Variants in RBM28 observed in about 807,000 individuals in gnomAD.
The protein encoded by RBM28 is RNA binding motif protein 28.
In RBM28, 78 loss-of-function variants were observed where a neutral mutation model predicts 98.3. The observed-to-expected ratio is 0.79, with a 90% confidence interval of 0.66 to 0.96. RBM28 has a LOEUF of 0.96. RBM28 is among the 40% of genes least tolerant of loss of function. The pLI is 0.00. For missense variants in RBM28, 838 were observed against 913.0 expected, an observed-to-expected ratio of 0.92 and a Z score of 1.06; for synonymous variants, 306 against 330.9, an observed-to-expected ratio of 0.92 and a Z score of 0.82.
chr7:128,339,347 A>C lies in RBM28; in HGVS notation c.278-26T>G, dbSNP rs1477329994. On this transcript the variant is annotated intron_variant, in intron 2 of 18. Transcript: ENST00000223073. ...CTAAAAAATAAGAGGTAATGGAATA[A>C]GTACTCGAAAATCACCCACTTCTAC... The C allele has an allele frequency of 2.6e-6, 4 of 1,550,806 alleles. No individual in the cohort carries two copies. The African/African-American group carries it at 4.1e-5, about 16-fold the overall frequency.
intron 2 of RBM28, 68 bp downstream of exon 2, chr7:128,339,565 C>G (rs1468755848): frequency 1.9e-6 from 3 of 1,550,144 alleles, no homozygotes; most frequent in East Asian, 4.5e-5. Context: ...CCATGCCTCC[C>G]TCTTTCATTT....
At position 128,337,126 on chromosome 7, in the gene RBM28, C is replaced by T. The variant is rs1192477662; in HGVS notation, c.613+5G>A. 1 of 1,613,996 alleles carries T rather than the reference C, an allele frequency of 6.2e-7. No individual in the cohort carries two copies. Among genetic ancestry groups the T allele is most frequent in the African/African-American group, 1.3e-5 (1 of 75,046 alleles). On this transcript the variant is annotated splice_donor_5th_base_variant and intron_variant, in intron 6 of 18. Coordinates refer to ENST00000223073, the MANE Select transcript of RBM28 (RefSeq NM_018077.3). ...CCCTACTCACCCAACACTACCACAT[C>T]TTACCTATAGCAGAAACAGACTGTG...
In RBM28 at chr7:128,338,102, A is replaced by G. The variant is rs927344827; in HGVS notation, c.541+148T>C. On this transcript the variant is annotated intron_variant, in intron 5 of 18. Transcript: ENST00000223073. ...AAGTTTAACCCCAAGATCAAGTTCT[A>G]GAGTATTTCACCTAAATAGCTACCG... 13 of 689,568 alleles carry G rather than the reference A, an allele frequency of 1.9e-5. No individual in the cohort carries two copies. In the African/African-American group the frequency reaches 2.0e-4, roughly 10 times the overall value. 42.7% of individuals were successfully genotyped at this position (689,568 alleles called of 1,614,324 possible).
rs756932377 is a variant in RBM28, at chr7:128,307,356, CAT to C, written c.*3439_*3440del. 9 of 152,232 alleles carry C rather than the reference CAT, an allele frequency of 5.9e-5. No individual in the cohort carries two copies. The highest frequency in any genetic ancestry group is 1.4e-4 in the African/African-American group (6 of 41,454). 9.4% of individuals were successfully genotyped at this position (152,232 alleles called of 1,614,324 possible). On this transcript the variant is annotated 3_prime_UTR_variant, in exon 19 of 19. Coordinates refer to ENST00000223073, the MANE Select transcript of RBM28 (RefSeq NM_018077.3). ...TGGGGAATCAGCACTCACTGTGACA[CAT>C]GTGATCCTCTGTCTCCTCAGACAAC... is the stretch of plus-strand genomic sequence containing the variant.
At position 128,330,935 on chromosome 7, in the gene RBM28, A is replaced by C. The variant is rs1326695613; in HGVS notation, c.1020-7T>G. On this transcript the variant is annotated splice_polypyrimidine_tract_variant and splice_region_variant and intron_variant, in intron 9 of 18. Transcript: ENST00000223073. The stretch of plus-strand genomic sequence containing the variant: ...TGAGTCAAAGGACAGATTTCTATGG[A>C]AGATAACCAGATGATCACAAGAAAA... 1 of 1,590,812 alleles carries C rather than the reference A, an allele frequency of 6.3e-7. No individual in the cohort carries two copies. Among genetic ancestry groups the C allele is most frequent in the Non-Finnish European group, 8.6e-7 (1 of 1,158,914 alleles).
intron 5 of RBM28, among the ~76,000 whole-genome samples, chr7:128,338,021 GA>G (rs1452627931): frequency 6.6e-6 from 1 of 152,124 alleles, no homozygotes; most frequent in East Asian, 1.9e-4. Flanking sequence ...TTTCACTAGG[GA>G]TTTAAAAGGA....
chr7:128,314,854 G>A lies in RBM28; in HGVS notation c.1955C>T (p.Thr652Ile), dbSNP rs1796072317. 1.2e-6 allele frequency: 2 copies of A among 1,613,972 alleles called. No individual in the cohort carries two copies. The highest frequency in any genetic ancestry group is 2.2e-5 in the South Asian group (2 of 91,068). Reference sequence around the variant, plus strand: ...CTCCACCTGCTCCACTTCAGCCTTGGTCTGGAACCCGGTCCATGAGGTAGA... The same window carrying A: ...CTCCACCTGCTCCACTTCAGCCTTGATCTGGAACCCGGTCCATGAGGTAGA... ...AGSTSWTGFQTKAEVEQVELP... is the reference protein window; with the variant it reads ...AGSTSWTGFQIKAEVEQVELP... The change falls in exon 17 of 19, where the codon ACC becomes ATC. Residue 652 changes from threonine (T) to isoleucine (I), a missense_variant. Transcript: ENST00000223073.
chr7:128,342,488 C>T (rs1270247089), intron 1 of RBM28, among the ~76,000 whole-genome samples: 1 of 152,038 alleles, frequency 6.6e-6, no homozygotes, highest in Non-Finnish European at 1.5e-5. Context: ...TCCAGACAAC[C>T]CTGGCCAACA....
intron 14 of RBM28, among the ~76,000 whole-genome samples, chr7:128,318,549 A>G (rs953528537): frequency 6.6e-6 from 1 of 152,138 alleles, no homozygotes; most frequent in Non-Finnish European, 1.5e-5. Flanking sequence ...TCACACTGGA[A>G]TAACACTTAT....
intron 7 of RBM28, 51 bp from the exon 8 acceptor site, chr7:128,335,730 T>A (rs773952083): frequency 1.2e-6 from 2 of 1,613,802 alleles, no homozygotes; most frequent in East Asian, 4.5e-5. Context: ...GAGGGCCTAT[T>A]CAATTTCATT....
At chr7:128,316,691 C>T (rs144527929) in intron 16 of RBM28, among the ~76,000 whole-genome samples, 1,638 of 152,216 alleles carry the variant, frequency 0.011, 18 homozygotes, top group Non-Finnish European at 0.012. Context: ...CCAAACTGAG[C>T]GACACAGCAA....
chr7:128,342,132 T>A (rs759249570), intron 1 of RBM28, among the ~76,000 whole-genome samples: 13 of 152,160 alleles, frequency 8.5e-5, no homozygotes, highest in Admixed American at 2.6e-4. Context: ...GCACTCCAAC[T>A]GTCAACAGGG....
chr7:128,321,208 G>A (rs780071893), intron 14 of RBM28, 58 bp downstream of exon 14: 34 of 1,602,324 alleles, frequency 2.1e-5, no homozygotes, highest in Non-Finnish European at 2.7e-5. Flanking sequence ...TGAGGGAAAT[G>A]CTTGATCTGA....
rs1796788746 is a variant in RBM28, at chr7:128,343,893, G to T, written c.-100C>A. On this transcript the variant is annotated 5_prime_UTR_variant, in exon 1 of 19. Transcript: ENST00000223073. ...GGTAGGACAACCAAGCTCACACGCC[G>T]AGAGATTCCGGAAGTGCTCGTTGCC... 2 of 770,666 alleles carry T rather than the reference G, an allele frequency of 2.6e-6. No individual in the cohort carries two copies. Among genetic ancestry groups the T allele is most frequent in the Non-Finnish European group, 4.1e-6 (2 of 493,562 alleles). The allele number at this position is 770,666 out of a possible 1,614,324, so 47.7% of individuals were successfully genotyped here. A position where few individuals can be genotyped will look rare whatever the true frequency, so the allele number is the denominator to read the frequency against.
At chr7:128,329,502 T>A (rs1196401762) in intron 10 of RBM28, among the ~76,000 whole-genome samples, 1 of 152,202 alleles carries the variant, frequency 6.6e-6, no homozygotes, top group East Asian at 1.9e-4. Context: ...AAGCTGTGGA[T>A]AGGCTCAAGA....
intron 9 of RBM28, among the ~76,000 whole-genome samples, chr7:128,331,331 T>TAAA (rs34522896): frequency 9.3e-5 from 13 of 139,394 alleles, no homozygotes; most frequent in Non-Finnish European, 7.7e-5. Flanking sequence ...TGTTATACCT[T>TAAA]AAAAAAAAAA....
Position 128,301,050 on chromosome 7 carries a change from G to A in RBM28, c.*9747C>T, listed in dbSNP as rs1795775872. 1 of 152,388 alleles carries A rather than the reference G, an allele frequency of 6.6e-6. No individual in the cohort carries two copies. The highest frequency in any genetic ancestry group is 2.1e-4 in the South Asian group (1 of 4,828). 9.4% of individuals were successfully genotyped at this position (152,388 alleles called of 1,614,324 possible). A position where few individuals can be genotyped will look rare whatever the true frequency, so the allele number is the denominator to read the frequency against. ...GCTGGAGGTGGGGCCAGCACCACCT[G>A]AGGACATGTAGCCTTCCCAGGATTC... is the stretch of plus-strand genomic sequence containing the variant. On this transcript the variant is annotated 3_prime_UTR_variant, in exon 19 of 19. Coordinates refer to ENST00000223073, the MANE Select transcript of RBM28 (RefSeq NM_018077.3).
In RBM28 at chr7:128,302,803, C is replaced by T. The variant is rs1325942312; in HGVS notation, c.*7994G>A. The T allele has an allele frequency of 6.6e-6, 1 of 152,106 alleles. No homozygotes were observed. Among genetic ancestry groups the T allele is most frequent in the Admixed American group, 6.5e-5 (1 of 15,270 alleles). 9.4% of individuals were successfully genotyped at this position (152,106 alleles called of 1,614,324 possible). ...TTTATTATTTTTTTAGACAGGGTAT[C>T]ACGCTGTTGCCCAGGTTGGAGTACA... On this transcript the variant is annotated 3_prime_UTR_variant, in exon 19 of 19. Coordinates refer to ENST00000223073, the MANE Select transcript of RBM28 (RefSeq NM_018077.3).
chr7:128,319,637 T>C (rs1796178542), intron 14 of RBM28, among the ~76,000 whole-genome samples: 2 of 152,130 alleles, frequency 1.3e-5, no homozygotes, highest in African/African-American at 4.8e-5. Flanking sequence ...TTAAAATAAA[T>C]ATTGACTAAG....
Sources: allele counts gnomAD v4.1 joint callset (sites outside exome capture counted in the v4.1 genomes callset), GRCh38; gene constraint gnomAD v4.1.1; transcripts MANE v1.5; gene names NCBI Gene and HGNC (gene_info 2026-07-23, HGNC 2026-07-21).